The following IQSEC1 variants were observed in gnomAD, a reference collection of about 807,000 sequenced individuals.
IQSEC1 encodes the protein IQ motif and SEC7 domain-containing protein 1.
IQSEC1 carries 31 observed loss-of-function variants against 91.0 expected under a neutral mutation model. The ratio of observed to expected loss-of-function variants is 0.34; its 90% CI spans 0.26 to 0.46. The LOEUF is 0.46. Among genes scored for constraint, IQSEC1 ranks in the 20% least tolerant of loss-of-function variants. IQSEC1 has a pLI of 1.00. For synonymous variants in IQSEC1, 699 were observed against 662.6 expected (o/e 1.05, Z -0.84); for missense variants, 1,388 against 1,575.6 (o/e 0.88, Z 2.02).
At chr3:13,121,994 C>A (rs1003921710) in intron 2 of IQSEC1, among the ~76,000 whole-genome samples, 1 of 152,222 alleles carries the variant, frequency 6.6e-6, no homozygotes, top group African/African-American at 2.4e-5. Context: ...GTCGGCCAGG[C>A]GCAGGCAGGA....
At position 12,897,228 on chromosome 3, in the gene IQSEC1, A is replaced by T. The variant is rs1272769238; in HGVS notation, c.*3755T>A. ...GAAAAAGTGAGAATCCGAGAGTTTC[A>T]AAGGATTTATTTGATTTCCCCACAT... On this transcript the variant is annotated 3_prime_UTR_variant, in exon 14 of 14. Coordinates refer to ENST00000613206, the MANE Select transcript of IQSEC1 (RefSeq NM_001134382.3). The T allele has an allele frequency of 6.6e-6, 1 of 152,258 alleles. No individual in the cohort carries two copies. Among genetic ancestry groups the T allele is most frequent in the African/African-American group, 2.4e-5 (1 of 41,466 alleles). 9.4% of individuals were successfully genotyped at this position (152,258 alleles called of 1,614,324 possible). A position where few individuals can be genotyped will look rare whatever the true frequency, so the allele number is the denominator to read the frequency against.
intron 1 of IQSEC1, among the ~76,000 whole-genome samples, chr3:13,031,733 C>T (rs532434542): frequency 1.1e-4 from 16 of 151,982 alleles, no homozygotes; most frequent in African/African-American, 3.4e-4. Flanking sequence ...TTTCCCAGGA[C>T]GGTGAGGGCG....
chr3:13,041,387 C>T (rs779178477), intron 1 of IQSEC1, among the ~76,000 whole-genome samples: 2 of 152,146 alleles, frequency 1.3e-5, no homozygotes, highest in African/African-American at 2.4e-5. Context: ...CCTCCGTGCC[C>T]GCCCCCTTTG....
chr3:12,901,453 G>A lies in IQSEC1; in HGVS notation c.2875C>T (p.His959Tyr). Residue 959 changes from histidine (H) to tyrosine (Y), a missense_variant, in exon 14 of 14, where the codon CAC becomes TAC. By Grantham distance (83) the His-to-Tyr change is moderately conservative (BLOSUM62 2). Transcript: ENST00000613206. ...GAAGATGAGTTGGGCATAGTCTGGT[G>A]TGGGCGAGATGGACACTCTCGTGTT... The part of the protein sequence containing the change: ...TSTRECPSRP[H>Y]QTMPNSSSLL... The A allele has an allele frequency of 6.5e-7, 1 of 1,549,226 alleles. No homozygotes were observed. The highest frequency in any genetic ancestry group is 8.7e-7 in the Non-Finnish European group (1 of 1,146,782).
chr3:12,935,296 C>T lies in IQSEC1; in HGVS notation c.1568+152G>A, dbSNP rs1698066589. Reference sequence around the variant, plus strand: ...TAGGCCTCAGCGCACAGGCTGGCACCGTCCTAGCCACCGACCTTGTGTGGC... The same window carrying T: ...TAGGCCTCAGCGCACAGGCTGGCACTGTCCTAGCCACCGACCTTGTGTGGC... On this transcript the variant is annotated intron_variant, in intron 3 of 13. Coordinates refer to ENST00000613206, the MANE Select transcript of IQSEC1 (RefSeq NM_001134382.3). The surrounding 1 kb of genome is among the most constrained non-coding windows in gnomAD (Gnocchi z 8.0). 14 of 726,322 alleles carry T rather than the reference C, an allele frequency of 1.9e-5. No individual in the cohort carries two copies. The highest frequency in any genetic ancestry group is 1.1e-4 in the South Asian group (6 of 54,994). 45.0% of individuals were successfully genotyped at this position (726,322 alleles called of 1,614,324 possible). A position where few individuals can be genotyped will look rare whatever the true frequency, so the allele number is the denominator to read the frequency against.
Position 12,936,661 on chromosome 3 carries a change from C to T in IQSEC1, c.355G>A (p.Val119Ile), listed in dbSNP as rs1287256576. Residue 119 changes from valine (V) to isoleucine (I), a missense_variant, in exon 3 of 14, where the codon GTA becomes ATA. Val to Ile is a conservative substitution (Grantham distance 29). This residue lies in a region of IQSEC1 where 1,059 missense variants were observed against 1,317.8 expected (regional missense o/e 0.80). Transcript: ENST00000613206. Reference protein sequence around the residue: ...MLERKYGGRLVTRHAARTIQT... With the variant: ...MLERKYGGRLITRHAARTIQT... ...ATGGTGCGGGCCGCATGGCGGGTTACCAGGCGCCCCCCATACTTTCGTTCT... is the reference window on the plus strand; with the variant it reads ...ATGGTGCGGGCCGCATGGCGGGTTATCAGGCGCCCCCCATACTTTCGTTCT... 1 of 1,597,128 alleles carries T rather than the reference C, an allele frequency of 6.3e-7. No individual in the cohort carries two copies.
At chr3:13,252,637 G>A (rs868691906) in intron 1 of IQSEC1, among the ~76,000 whole-genome samples, 8 of 152,126 alleles carry the variant, frequency 5.3e-5, no homozygotes, top group South Asian at 2.1e-4. Flanking sequence ...CCACAGTGGC[G>A]GCACCATTTA....
chr3:13,241,183 T>A (rs1346768970), intron 1 of IQSEC1, among the ~76,000 whole-genome samples: 1 of 152,232 alleles, frequency 6.6e-6, no homozygotes, highest in African/African-American at 2.4e-5. Context: ...ATTGAACTGA[T>A]AATGAAATAT....
At position 12,950,278 on chromosome 3, in the gene IQSEC1, G is replaced by A. The variant is rs144554721; in HGVS notation, c.24-8413C>T. Reference sequence around the variant, plus strand: ...GTCCTTCCCATTCTGGAATGTTCTCGGGACTGCAGTCCCCAAGAGTTAGCC... The same window carrying A: ...GTCCTTCCCATTCTGGAATGTTCTCAGGACTGCAGTCCCCAAGAGTTAGCC... On this transcript the variant is annotated intron_variant, in intron 1 of 13. Transcript: ENST00000613206. Among the ~76,000 whole-genome samples, 114 of 152,286 alleles carry A rather than the reference G, an allele frequency of 7.5e-4. 1 individual carries two copies. The highest frequency in any genetic ancestry group is 2.5e-3 in the African/African-American group (103 of 41,542).
chr3:13,133,343 C>A (rs539479274), intron 2 of IQSEC1, among the ~76,000 whole-genome samples: 4 of 152,346 alleles, frequency 2.6e-5, no homozygotes, highest in Non-Finnish European at 4.4e-5. Context: ...GTGGCTGGAC[C>A]AGGTCACACT....
At chr3:12,985,660 A>AG (rs35498261) in intron 1 of IQSEC1, among the ~76,000 whole-genome samples, 171 of 134,974 alleles carry the variant, frequency 1.3e-3, no homozygotes, top group African/African-American at 4.1e-3. Flanking sequence ...CGGGTGGCAG[A>AG]GTGGGGGGGG....
chr3:13,063,301 T>C (rs886471835), intron 1 of IQSEC1, among the ~76,000 whole-genome samples: 1 of 152,286 alleles, frequency 6.6e-6, no homozygotes, highest in African/African-American at 2.4e-5. Flanking sequence ...ATTTGTAGAA[T>C]GACAAAGTCA....
At chr3:13,277,651 G>A (rs1695715181) in intron 1 of IQSEC1, among the ~76,000 whole-genome samples, 1 of 152,172 alleles carries the variant, frequency 6.6e-6, no homozygotes, top group South Asian at 2.1e-4. Context: ...GCTCGTTCCT[G>A]ACTTGGGGAC....
intron 1 of IQSEC1, among the ~76,000 whole-genome samples, chr3:12,962,596 T>G (rs2125492049): frequency 6.6e-6 from 1 of 152,340 alleles, no homozygotes; most frequent in South Asian, 2.1e-4. Context: ...GCCCTAGCCT[T>G]GGGTTTCCTC....
chr3:13,055,973 C>T (rs772501893), intron 1 of IQSEC1, among the ~76,000 whole-genome samples: 3 of 152,162 alleles, frequency 2.0e-5, no homozygotes, highest in Non-Finnish European at 4.4e-5. Flanking sequence ...ATGTCCCCCC[C>T]ACCACCATTC....
At chr3:12,955,070 T>C (rs1699816335) in intron 1 of IQSEC1, among the ~76,000 whole-genome samples, 1 of 152,232 alleles carries the variant, frequency 6.6e-6, no homozygotes, top group Non-Finnish European at 1.5e-5. Flanking sequence ...CAGAGCCCCG[T>C]GACTCTGGAG....
chr3:13,051,402 A>G (rs963078259), intron 1 of IQSEC1, among the ~76,000 whole-genome samples: 4 of 152,174 alleles, frequency 2.6e-5, no homozygotes, highest in Non-Finnish European at 4.4e-5. Flanking sequence ...AGAGCAGGAA[A>G]AAGTGCTGCT....
At chr3:13,268,750 C>T (rs1486780636) in intron 1 of IQSEC1, among the ~76,000 whole-genome samples, 2 of 152,158 alleles carry the variant, frequency 1.3e-5, no homozygotes, top group African/African-American at 2.4e-5. Flanking sequence ...AGACCCTTGT[C>T]CATGTAACAA....
At chr3:13,177,097 G>A (rs1693745844) in intron 1 of IQSEC1, among the ~76,000 whole-genome samples, 1 of 152,184 alleles carries the variant, frequency 6.6e-6, no homozygotes, top group South Asian at 2.1e-4. Context: ...TTTTTGGGCT[G>A]ATGCGAATGT....
Sources: gnomAD v4.1 joint callset for allele counts (sites outside exome capture counted in the v4.1 genomes callset) on GRCh38, gnomAD v4.1.1 for gene constraint, gnomAD v4.1.1 regional missense constraint, Gnocchi (gnomAD v3.1) non-coding constraint, MANE v1.5 for transcripts, NCBI Gene and HGNC (gene_info 2026-07-23, HGNC 2026-07-21) for gene names.